RABGAP1L: variants seen among roughly 807,000 people sequenced by gnomAD.
RABGAP1L encodes rab GTPase-activating protein 1-like.
In RABGAP1L, 63 loss-of-function variants were observed where a neutral mutation model predicts 137.7. The ratio of observed to expected loss-of-function variants is 0.46; its 90% CI spans 0.37 to 0.56. RABGAP1L has a LOEUF of 0.56. Ranked by LOEUF, RABGAP1L falls within the 20% of genes least tolerant of loss-of-function variation. The pLI is 0.00. For synonymous variants in RABGAP1L, 431 were observed against 433.7 expected (o/e 0.99, Z 0.08); for missense variants, 1,095 against 1,244.0 (o/e 0.88, Z 1.80).
At chr1:174,893,739 A>T (rs567642501) in intron 19 of RABGAP1L, among the ~76,000 whole-genome samples, 2 of 152,156 alleles carry the variant, frequency 1.3e-5, no homozygotes, top group Admixed American at 1.3e-4. Context: ...AGCCACATAG[A>T]ATACTTGGAA....
chr1:174,616,657 G>C (rs1367353466), intron 13 of RABGAP1L, among the ~76,000 whole-genome samples: 2 of 152,202 alleles, frequency 1.3e-5, no homozygotes, highest in Non-Finnish European at 2.9e-5. Flanking sequence ...TTATTTGTAT[G>C]TCAGCTTAGT....
chr1:174,229,544 A>G (rs1670461148), intron 3 of RABGAP1L, among the ~76,000 whole-genome samples: 1 of 152,076 alleles, frequency 6.6e-6, no homozygotes, highest in Admixed American at 6.6e-5. Flanking sequence ...TTAAACGGGG[A>G]AAGGGCAAGC....
intron 1 of RABGAP1L, among the ~76,000 whole-genome samples, chr1:174,173,084 T>G (rs144223799): frequency 1.3e-5 from 2 of 152,154 alleles, no homozygotes; most frequent in Non-Finnish European, 2.9e-5. Flanking sequence ...ATTATCTGAG[T>G]AAGATGCAGC....
chr1:174,470,464 C>T (rs936846441), intron 13 of RABGAP1L, among the ~76,000 whole-genome samples: 1 of 152,084 alleles, frequency 6.6e-6, no homozygotes, highest in African/African-American at 2.4e-5. Flanking sequence ...AATTCAGGGG[C>T]ATTCTAAAAT....
intron 19 of RABGAP1L, among the ~76,000 whole-genome samples, chr1:174,855,582 A>G (rs1198154401): frequency 6.6e-6 from 1 of 152,220 alleles, no homozygotes; most frequent in African/African-American, 2.4e-5. Context: ...CAGCTCTTAC[A>G]TAAGTCTAAA....
At chr1:174,217,980 C>T (rs1201932025) in intron 1 of RABGAP1L, among the ~76,000 whole-genome samples, 1 of 152,074 alleles carries the variant, frequency 6.6e-6, no homozygotes, top group East Asian at 1.9e-4. Context: ...AATAACATTT[C>T]TGGGGGGATT....
chr1:174,722,372 T>C (rs146240238), intron 17 of RABGAP1L, among the ~76,000 whole-genome samples: 3,223 of 152,338 alleles, frequency 0.021, 54 homozygotes, highest in Middle Eastern at 0.085. Flanking sequence ...ATGTAAGATG[T>C]ACGAAAAGTA....
At chr1:174,298,152 G>A (rs571209705) in intron 10 of RABGAP1L, among the ~76,000 whole-genome samples, 1 of 152,314 alleles carries the variant, frequency 6.6e-6, no homozygotes, top group Non-Finnish European at 1.5e-5. Context: ...AAAGAGGGGA[G>A]CAGGCGTCCC....
chr1:174,800,064 G>A, intron 18 of RABGAP1L: 1 of 1,263,566 alleles, frequency 7.9e-7, no homozygotes, highest in Non-Finnish European at 1.0e-6. Flanking sequence ...ATCACTCTTG[G>A]CCATTTTCTC....
chr1:174,922,245 T>G (rs1661942005), intron 19 of RABGAP1L: 1 of 153,966 alleles, frequency 6.5e-6, no homozygotes. Context: ...TACATACATC[T>G]TGGGAAGCGC....
At chr1:174,900,855 G>A (rs2149158150) in intron 19 of RABGAP1L, among the ~76,000 whole-genome samples, 1 of 152,200 alleles carries the variant, frequency 6.6e-6, no homozygotes, top group East Asian at 1.9e-4. Flanking sequence ...CTAGGTTGAC[G>A]AAGTTCTCCT....
intron 13 of RABGAP1L, among the ~76,000 whole-genome samples, chr1:174,479,653 T>A (rs1658882144): frequency 6.6e-6 from 1 of 152,184 alleles, no homozygotes; most frequent in African/African-American, 2.4e-5. Context: ...GAAGCAGTAG[T>A]ATAAATTTGC....
intron 19 of RABGAP1L, among the ~76,000 whole-genome samples, chr1:174,893,840 C>A (rs888529531): frequency 2.6e-5 from 4 of 152,188 alleles, no homozygotes; most frequent in African/African-American, 9.6e-5. Flanking sequence ...CCTGTTGGAA[C>A]AGTTTGTGAC....
chr1:174,901,591 C>G (rs1244448479), intron 19 of RABGAP1L, among the ~76,000 whole-genome samples: 1 of 152,146 alleles, frequency 6.6e-6, no homozygotes, highest in African/African-American at 2.4e-5. Context: ...GGTGGGGACA[C>G]AGCCAAACCA....
At chr1:174,550,999 C>CATATATATATATATATATATATATATAT (rs549477266) in intron 13 of RABGAP1L, among the ~76,000 whole-genome samples, 1 of 86,342 alleles carries the variant, frequency 1.2e-5, no homozygotes, top group African/African-American at 8.3e-5. Flanking sequence ...TATATATACA[C>CATATATATATATATATATATATATATAT]ATATATATAT....
intron 13 of RABGAP1L, among the ~76,000 whole-genome samples, chr1:174,550,143 A>C (rs896547875): frequency 6.6e-6 from 1 of 152,230 alleles, no homozygotes; most frequent in East Asian, 1.9e-4. Flanking sequence ...AAATGGTAAC[A>C]CTAGTTGAGA....
At chr1:174,878,650 C>A (rs1373392066) in intron 19 of RABGAP1L, among the ~76,000 whole-genome samples, 2 of 151,992 alleles carry the variant, frequency 1.3e-5, no homozygotes, top group African/African-American at 4.8e-5. Context: ...AGACCTACTT[C>A]TCTATTTTAA....
chr1:174,216,797 A>G (rs746284572), intron 1 of RABGAP1L, among the ~76,000 whole-genome samples: 4 of 152,098 alleles, frequency 2.6e-5, no homozygotes, highest in Admixed American at 6.6e-5. Flanking sequence ...TGAGAAAGTG[A>G]TGGGGGCAAG....
Position 174,536,232 on chromosome 1 carries a change from A to G in RABGAP1L, c.1711-101143A>G, listed in dbSNP as rs1410122001. On this transcript the variant is annotated intron_variant, in intron 13 of 25. Transcript: ENST00000681986. ...AAAAAAACCTCTGGAAATTTAATGT[A>G]TGGCTTTTTTTAAGTGTATATATCA... Among the ~76,000 whole-genome samples, 5 of 152,022 alleles carry G rather than the reference A, an allele frequency of 3.3e-5. No homozygotes were observed. In the East Asian group the frequency reaches 9.6e-4, roughly 29 times the overall value.
Sources: allele counts gnomAD v4.1 joint callset (sites outside exome capture counted in the v4.1 genomes callset), GRCh38; gene constraint gnomAD v4.1.1; transcripts MANE v1.5; gene names NCBI Gene and HGNC (gene_info 2026-07-23, HGNC 2026-07-21).